CSNK1G2: variants seen among roughly 807,000 people sequenced by gnomAD.
The protein encoded by CSNK1G2 is casein kinase 1 gamma 2.
CSNK1G2 carries 11 observed loss-of-function variants against 48.0 expected under a neutral mutation model. The ratio of observed to expected loss-of-function variants is 0.23; its 90% CI spans 0.14 to 0.38. The LOEUF is 0.38. CSNK1G2 is among the 10% of genes least tolerant of loss of function. The pLI, the probability that CSNK1G2 is intolerant of heterozygous loss-of-function variation, is 1.00. For synonymous variants in CSNK1G2, 337 were observed against 254.1 expected (o/e 1.33, Z -3.10); for missense variants, 446 against 595.5 (o/e 0.75, Z 2.61).
chr19:1,972,782 C>G (rs1161187721), intron 2 of CSNK1G2, among the ~76,000 whole-genome samples: 1 of 152,012 alleles, frequency 6.6e-6, no homozygotes, highest in African/African-American at 2.4e-5. Context: ...GCCACCATGC[C>G]TGGCTAATTT....
rs898158052 is a variant in CSNK1G2, at chr19:1,957,797, G to T, written c.-265-11711G>T. 6.8e-6 allele frequency among the ~76,000 whole-genome samples: 1 copy of T among 147,422 alleles called. No homozygotes were observed. Among genetic ancestry groups the T allele is most frequent in the Non-Finnish European group, 1.5e-5 (1 of 66,156 alleles). Reference sequence around the variant, plus strand: ...TGCTCGGTGGGTGCCGTGTGTGGGGGGTATGTGCTCGGCGGGCGCCGTGTT... The same window carrying T: ...TGCTCGGTGGGTGCCGTGTGTGGGGTGTATGTGCTCGGCGGGCGCCGTGTT... On this transcript the variant is annotated intron_variant, in intron 1 of 11. Coordinates refer to ENST00000255641, the MANE Select transcript of CSNK1G2 (RefSeq NM_001319.7). The surrounding 1 kb of genome is among the most constrained non-coding windows in gnomAD (Gnocchi z 5.4).
intron 1 of CSNK1G2, among the ~76,000 whole-genome samples, chr19:1,943,132 G>A (rs1411712961): frequency 6.6e-6 from 1 of 152,202 alleles, no homozygotes; most frequent in African/African-American, 2.4e-5. Context: ...CTGCAGGACC[G>A]TGCAGCGGGC....
intron 2 of CSNK1G2, among the ~76,000 whole-genome samples, chr19:1,972,106 C>T (rs1226539630): frequency 6.6e-6 from 1 of 152,212 alleles, no homozygotes; most frequent in Non-Finnish European, 1.5e-5. Context: ...GGTTTGCGCT[C>T]TCTTCAGCCT....
chr19:1,947,442 G>A (rs2014603396), intron 1 of CSNK1G2, among the ~76,000 whole-genome samples: 2 of 152,258 alleles, frequency 1.3e-5, no homozygotes, highest in Admixed American at 1.3e-4. Context: ...TCCTGTCCGC[G>A]GCAGTTGTGC....
Position 1,969,670 on chromosome 19 carries a change from A to C in CSNK1G2, c.-103A>C. The C allele has an allele frequency of 5.7e-6, 6 of 1,045,674 alleles. No individual in the cohort carries two copies. The highest frequency in any genetic ancestry group is 7.4e-6 in the Non-Finnish European group (6 of 806,150). 64.8% of individuals were successfully genotyped at this position (1,045,674 alleles called of 1,614,324 possible). A position where few individuals can be genotyped will look rare whatever the true frequency, so the allele number is the denominator to read the frequency against. On this transcript the variant is annotated 5_prime_UTR_variant, in exon 2 of 12. Coordinates refer to ENST00000255641, the MANE Select transcript of CSNK1G2 (RefSeq NM_001319.7). The stretch of plus-strand genomic sequence containing the variant: ...GGGCCCACGCCCGCCCACCGGCCGC[A>C]GTGATGTTCTAGCCACAGAGGAGCC...
chr19:1,967,557 C>G (rs1196601196), intron 1 of CSNK1G2, among the ~76,000 whole-genome samples: 1 of 152,144 alleles, frequency 6.6e-6, no homozygotes, highest in Non-Finnish European at 1.5e-5. Flanking sequence ...GGTTCTTGGC[C>G]TCCTGGGCGG....
At chr19:1,948,162 C>T (rs536440930) in intron 1 of CSNK1G2, among the ~76,000 whole-genome samples, 6 of 152,196 alleles carry the variant, frequency 3.9e-5, no homozygotes, top group South Asian at 4.1e-4. Context: ...GCCGCTGCCC[C>T]GGGCCCTGTC....
Position 1,975,132 on chromosome 19 carries a change from G to T in CSNK1G2, c.188-3173G>T, listed in dbSNP as rs748202753. 3 of 985,346 alleles carry T rather than the reference G, an allele frequency of 3.0e-6. No individual in the cohort carries two copies. The African/African-American group carries it at 5.2e-5, about 17-fold the overall frequency. 61.0% of individuals were successfully genotyped at this position (985,346 alleles called of 1,614,324 possible). A position where few individuals can be genotyped will look rare whatever the true frequency, so the allele number is the denominator to read the frequency against. On this transcript the variant is annotated intron_variant, in intron 2 of 11. Coordinates refer to ENST00000255641, the MANE Select transcript of CSNK1G2 (RefSeq NM_001319.7). ...AGTGCAGAGTAGAAGAGCCGGGAAG[G>T]ACCCCATCACCATCAGATGCATCAG...
intron 1 of CSNK1G2, among the ~76,000 whole-genome samples, chr19:1,951,903 A>C (rs1434926393): frequency 6.6e-6 from 1 of 152,010 alleles, no homozygotes; most frequent in Admixed American, 6.6e-5. Context: ...GATGGTCTCG[A>C]TCTCCTGACC....
intron 2 of CSNK1G2, among the ~76,000 whole-genome samples, chr19:1,974,927 T>G (rs1400873095): frequency 2.0e-5 from 3 of 152,198 alleles, no homozygotes; most frequent in Non-Finnish European, 4.4e-5. Context: ...GCCCTCTGCA[T>G]GCATCGCGAG....
intron 1 of CSNK1G2, among the ~76,000 whole-genome samples, chr19:1,963,210 C>G (rs1406205370): frequency 2.0e-5 from 3 of 152,018 alleles, no homozygotes; most frequent in African/African-American, 7.2e-5. Flanking sequence ...ATACAGTACT[C>G]TCGTGAGTTT....
rs747443788 is a variant in CSNK1G2 at position 1,978,419 on chromosome 19, GT to G, written c.229-22del. 3.7e-6 allele frequency: 6 copies of G among 1,611,708 alleles called. No homozygotes were observed. The highest frequency in any genetic ancestry group is 5.1e-6 in the Non-Finnish European group (6 of 1,179,436). Reference sequence around the variant, plus strand: ...TTCAGGGCAGCGACCCGGTCCCCTGGTGACTCGCTCTTGTGCCCCCAGGAGC... The same window carrying G: ...TTCAGGGCAGCGACCCGGTCCCCTGGGACTCGCTCTTGTGCCCCCAGGAGC... On this transcript the variant is annotated intron_variant, in intron 3 of 11. Coordinates refer to ENST00000255641, the MANE Select transcript of CSNK1G2 (RefSeq NM_001319.7). This position sits in a 1 kb window ranked among gnomAD's most constrained non-coding sequence, Gnocchi z 7.3.
chr19:1,966,345 G>A (rs989610960), intron 1 of CSNK1G2, among the ~76,000 whole-genome samples: 3 of 152,230 alleles, frequency 2.0e-5, no homozygotes, highest in Non-Finnish European at 4.4e-5. Flanking sequence ...GGACTTCAGT[G>A]GAGGAGGGAC....
chr19:1,961,186 C>T lies in CSNK1G2; in HGVS notation c.-265-8322C>T, dbSNP rs181144265. 3.2e-3 allele frequency among the ~76,000 whole-genome samples: 483 copies of T among 152,344 alleles called. 5 individuals are homozygous for T. The highest frequency in any genetic ancestry group is 0.011 in the African/African-American group (452 of 41,578). On this transcript the variant is annotated intron_variant, in intron 1 of 11. Transcript: ENST00000255641. Reference sequence around the variant, plus strand: ...AGCCCAGTGTGACCCCAGCCCTGGCCGTCGCGGTTGTGGCATTCTCGCTGT... The same window carrying T: ...AGCCCAGTGTGACCCCAGCCCTGGCTGTCGCGGTTGTGGCATTCTCGCTGT...
intron 1 of CSNK1G2, among the ~76,000 whole-genome samples, chr19:1,947,133 C>G (rs572855462): frequency 6.6e-6 from 1 of 152,292 alleles, no homozygotes; most frequent in South Asian, 2.1e-4. Context: ...GCGTAATTGC[C>G]TTTGGAGGCT....
chr19:1,980,075 G>A, intron 11 of CSNK1G2, 58 bp downstream of exon 11: 1 of 1,599,368 alleles, frequency 6.3e-7, no homozygotes, highest in South Asian at 1.1e-5. Flanking sequence ...CCCCATGGGG[G>A]TGGGAGGGCC....
chr19:1,978,355 C>T lies in CSNK1G2; in HGVS notation c.228+10C>T, dbSNP rs748257465. On this transcript the variant is annotated intron_variant, in intron 3 of 11. Transcript: ENST00000255641. This position sits in a 1 kb window ranked among gnomAD's most constrained non-coding sequence, Gnocchi z 7.3. ...CGTGGCTATCAAATTGGTGAGTCGGCCCCTCCACCCCACCCCCGCTGACGT... is the reference window on the plus strand; with the variant it reads ...CGTGGCTATCAAATTGGTGAGTCGGTCCCTCCACCCCACCCCCGCTGACGT... 20 of 1,613,052 alleles carry T rather than the reference C, an allele frequency of 1.2e-5. No homozygotes were observed. The East Asian group carries it at 4.0e-4, about 32-fold the overall frequency.
chr19:1,946,902 T>C (rs2014585231), intron 1 of CSNK1G2, among the ~76,000 whole-genome samples: 1 of 152,040 alleles, frequency 6.6e-6, no homozygotes, highest in Non-Finnish European at 1.5e-5. Flanking sequence ...TGAGCCACTG[T>C]GCCCGGCCTA....
At chr19:1,958,465 C>A (rs2015073831) in intron 1 of CSNK1G2, among the ~76,000 whole-genome samples, 1 of 114,112 alleles carries the variant, frequency 8.8e-6, no homozygotes, top group Non-Finnish European at 1.8e-5. Flanking sequence ...TCTCCCCTGT[C>A]CCCCCCATCT....
Sources: gnomAD v4.1 joint callset for allele counts (sites outside exome capture counted in the v4.1 genomes callset) on GRCh38, gnomAD v4.1.1 for gene constraint, Gnocchi (gnomAD v3.1) non-coding constraint, MANE v1.5 for transcripts, NCBI Gene and HGNC (gene_info 2026-07-23, HGNC 2026-07-21) for gene names.